CNOT6: variants seen among roughly 807,000 people sequenced by gnomAD.
CNOT6 encodes the protein carbon catabolite repression 4 protein.
Under a neutral mutation model 61.2 loss-of-function variants are expected in CNOT6, and 12 were observed. The observed-to-expected ratio is 0.20, with a 90% CI of 0.13 to 0.32. The LOEUF (loss-of-function observed/expected upper bound fraction) is 0.32. Ranked by LOEUF, CNOT6 falls within the 10% of genes least tolerant of loss-of-function variation. The pLI is 1.00. For missense variants in CNOT6, 405 were observed against 663.9 expected, an observed-to-expected ratio of 0.61 and a Z score of 4.28; for synonymous variants, 225 against 240.6, an observed-to-expected ratio of 0.94 and a Z score of 0.60.
chr5:180,531,305 C>A (rs546648283), intron 2 of CNOT6, among the ~76,000 whole-genome samples: 6 of 150,304 alleles, frequency 4.0e-5, no homozygotes, highest in Non-Finnish European at 8.8e-5. Flanking sequence ...ACCTCCCAGA[C>A]GGGGTAGCGG....
chr5:180,513,196 CATTT>C (rs1329193059), intron 1 of CNOT6, among the ~76,000 whole-genome samples: 1 of 151,556 alleles, frequency 6.6e-6, no homozygotes, highest in Non-Finnish European at 1.5e-5. Flanking sequence ...TGCACCCGGC[CATTT>C]ATTTATTTTT....
intron 1 of CNOT6, among the ~76,000 whole-genome samples, chr5:180,501,472 T>C (rs1756866014): frequency 6.6e-6 from 1 of 152,216 alleles, no homozygotes; most frequent in Non-Finnish European, 1.5e-5. Flanking sequence ...TAGGTGGATA[T>C]GTCTAACAGA....
Position 180,558,624 on chromosome 5 carries a change from T to TC in CNOT6, c.385+5153_385+5154insC, listed in dbSNP as rs528842173. Among the ~76,000 whole-genome samples, 30 of 151,952 alleles carry TC rather than the reference T, an allele frequency of 2.0e-4. No individual in the cohort carries two copies. In the South Asian group the frequency reaches 6.2e-3, roughly 32 times the overall value. ...CCTTCCTTCCTTCTTGTGTTTGCTT[T>TC]TTTTTTTTCCTAGCTTCTTGAGGCG... On this transcript the variant is annotated intron_variant, in intron 4 of 11. Transcript: ENST00000261951.
intron 1 of CNOT6, among the ~76,000 whole-genome samples, chr5:180,508,346 C>T (rs922450859): frequency 6.6e-6 from 1 of 152,166 alleles, no homozygotes; most frequent in Non-Finnish European, 1.5e-5. Flanking sequence ...GAGTCTCGCT[C>T]TCTCACCCAG....
chr5:180,525,920 T>TAA (rs140932134), intron 1 of CNOT6, among the ~76,000 whole-genome samples: 10 of 151,612 alleles, frequency 6.6e-5, no homozygotes, highest in Admixed American at 1.3e-4. Context: ...GTTTCTTCTT[T>TAA]TAAAAAAAAA....
intron 8 of CNOT6, 136 bp downstream of exon 8, chr5:180,567,378 G>A: frequency 1.3e-6 from 1 of 762,268 alleles, no homozygotes; most frequent in Non-Finnish European, 2.0e-6. Context: ...GTTTGACCTA[G>A]GGGGTTTTTG....
chr5:180,573,159 C>T (rs866381832), intron 11 of CNOT6, among the ~76,000 whole-genome samples: 1 of 152,204 alleles, frequency 6.6e-6, no homozygotes, highest in Middle Eastern at 3.4e-3. Flanking sequence ...GATGCAGTGG[C>T]AGGAAGAAGA....
intron 1 of CNOT6, among the ~76,000 whole-genome samples, chr5:180,498,931 G>A (rs1231789297): frequency 6.6e-6 from 1 of 152,070 alleles, no homozygotes; most frequent in Admixed American, 6.5e-5. Flanking sequence ...CTGGGATTAC[G>A]GGCTCCTGCC....
chr5:180,494,936 C>T (rs952979141), intron 1 of CNOT6, among the ~76,000 whole-genome samples, 173 bp downstream of exon 1: 3 of 151,704 alleles, frequency 2.0e-5, no homozygotes, highest in African/African-American at 7.3e-5. Context: ...GCCGCGATCG[C>T]GCCCCGCCCC....
intron 1 of CNOT6, among the ~76,000 whole-genome samples, chr5:180,510,292 G>A (rs987668338): frequency 6.6e-6 from 1 of 151,716 alleles, no homozygotes; most frequent in Admixed American, 6.6e-5. Context: ...AGCCTTCCGA[G>A]TAGCCAGGAC....
intron 11 of CNOT6, 32 bp from the exon 12 acceptor site, chr5:180,573,956 C>T (rs369647388): frequency 1.7e-5 from 24 of 1,436,460 alleles, no homozygotes; most frequent in Admixed American, 6.7e-5. Flanking sequence ...TTGTCTTATA[C>T]GGTGCTTATC....
intron 2 of CNOT6, among the ~76,000 whole-genome samples, chr5:180,544,588 G>A (rs1378070300): frequency 1.3e-5 from 2 of 151,738 alleles, no homozygotes; most frequent in African/African-American, 2.4e-5. Context: ...TTTCTTTCTG[G>A]CTACCTTCTA....
In CNOT6 at chr5:180,548,560, G is replaced by A. The variant is rs961995512; in HGVS notation, c.113-1371G>A. On this transcript the variant is annotated intron_variant, in intron 2 of 11. Transcript: ENST00000261951. ...AGGGAGGATCACTGTCCTCTACCTG[G>A]GATTCCCCTCCTTGGGCTGCCTCCT... Among the ~76,000 whole-genome samples the A allele has an allele frequency of 7.2e-5, 11 of 152,254 alleles. No homozygotes were observed. In the South Asian group the frequency reaches 2.3e-3, roughly 32 times the overall value.
At chr5:180,496,128 C>T (rs1756603528) in intron 1 of CNOT6, among the ~76,000 whole-genome samples, 1 of 152,152 alleles carries the variant, frequency 6.6e-6, no homozygotes, top group Admixed American at 6.5e-5. Context: ...GTCTCCGACT[C>T]CAGGGCTCAA....
At position 180,544,591 on chromosome 5, in the gene CNOT6, A is replaced by C. The variant is rs555854695; in HGVS notation, c.113-5340A>C. Reference sequence around the variant, plus strand: ...AGACTTTGTGGTTTTCTTTCTGGCTACCTTCTACCTTCTTGAATTGTCAGC... The same window carrying C: ...AGACTTTGTGGTTTTCTTTCTGGCTCCCTTCTACCTTCTTGAATTGTCAGC... On this transcript the variant is annotated intron_variant, in intron 2 of 11. Coordinates refer to ENST00000261951, the MANE Select transcript of CNOT6 (RefSeq NM_001370472.1). Among the ~76,000 whole-genome samples the C allele has an allele frequency of 7.2e-4, 109 of 152,028 alleles. 1 individual carries two copies. Among genetic ancestry groups the C allele is most frequent in the Non-Finnish European group, 2.9e-5 (2 of 67,988 alleles).
intron 4 of CNOT6, among the ~76,000 whole-genome samples, chr5:180,557,516 A>G (rs1759958888): frequency 6.6e-6 from 1 of 152,092 alleles, no homozygotes; most frequent in Non-Finnish European, 1.5e-5. Flanking sequence ...TGTCATCTGT[A>G]ATGTTTTTCT....
At chr5:180,533,123 T>C (rs1758473706) in intron 2 of CNOT6, among the ~76,000 whole-genome samples, 1 of 152,054 alleles carries the variant, frequency 6.6e-6, no homozygotes, top group Non-Finnish European at 1.5e-5. Flanking sequence ...GCATTCCTTC[T>C]TCTAAGGTAT....
rs763873860 is a variant in CNOT6 at position 180,564,697 on chromosome 5, A to T, written c.513A>T (p.Pro171=). The T allele has an allele frequency of 8.1e-6, 13 of 1,614,068 alleles. No homozygotes were observed. The highest frequency in any genetic ancestry group is 1.1e-5 in the South Asian group (1 of 91,090). ...TAGTTACAACAGAACAACCACCTCC[A>T]AGGTCTTGGATTATGTTACAAGAAC... ...AKRITTEQPP[P]RSWIMLQEPD... The change falls in exon 6 of 12, where the codon CCA becomes CCT. Residue 171 remains proline, a synonymous_variant. Coordinates refer to ENST00000261951, the MANE Select transcript of CNOT6 (RefSeq NM_001370472.1).
intron 2 of CNOT6, among the ~76,000 whole-genome samples, chr5:180,543,701 A>G (rs915648133): frequency 1.3e-5 from 2 of 152,236 alleles, no homozygotes; most frequent in Non-Finnish European, 2.9e-5. Flanking sequence ...ATGTTTCCCA[A>G]AATGAAAGAA....
Sources: allele counts gnomAD v4.1 joint callset (sites outside exome capture counted in the v4.1 genomes callset), GRCh38; gene constraint gnomAD v4.1.1; transcripts MANE v1.5; gene names NCBI Gene and HGNC (gene_info 2026-07-23, HGNC 2026-07-21).